The following SGCD variants were observed in gnomAD, a reference collection of about 807,000 sequenced individuals.
SGCD encodes delta-sarcoglycan.
SGCD carries 18 observed loss-of-function variants against 36.6 expected under a neutral mutation model. The observed-to-expected ratio is 0.49, with a 90% CI of 0.34 to 0.73. The LOEUF is 0.73. Ranked by LOEUF, SGCD falls within the 30% of genes least tolerant of loss-of-function variation. The pLI is 0.01. For missense variants in SGCD, 387 were observed against 346.7 expected (o/e 1.12, Z -0.92); for synonymous variants, 133 against 130.6 (o/e 1.02, Z -0.12).
At chr5:155,783,409 A>G in the SGCD span, among the ~76,000 whole-genome samples, 1 of 152,318 alleles carries the variant, frequency 6.6e-6, no homozygotes, top group Admixed American at 6.5e-5. Context: ...TGGAACTTGC[A>G]TCATACTAAA....
chr5:156,239,084 A>G (rs1420166140), intron 3 of SGCD, among the ~76,000 whole-genome samples: 1 of 152,070 alleles, frequency 6.6e-6, no homozygotes, highest in Non-Finnish European at 1.5e-5. Context: ...CCCGTGGCGC[A>G]TCAGTAATTT....
At chr5:156,243,859 A>T (rs532298628) in intron 3 of SGCD, among the ~76,000 whole-genome samples, 1 of 152,356 alleles carries the variant, frequency 6.6e-6, no homozygotes, top group African/African-American at 2.4e-5. Context: ...TAATAGCAGC[A>T]AAATAAATGT....
chr5:155,841,207 A>G, the SGCD span, among the ~76,000 whole-genome samples: 1 of 152,122 alleles, frequency 6.6e-6, no homozygotes, highest in Admixed American at 6.6e-5. Context: ...GTACAAATGT[A>G]TTTGATTATA....
At chr5:156,757,905 A>G in intron 8 of SGCD, 2 of 1,327,358 alleles carry the variant, frequency 1.5e-6, no homozygotes, top group East Asian at 2.8e-5. Flanking sequence ...TCTTATTTGT[A>G]AAATGCAGAG....
At chr5:155,775,074 G>C in the SGCD span, among the ~76,000 whole-genome samples, 4 of 152,176 alleles carry the variant, frequency 2.6e-5, no homozygotes, top group Non-Finnish European at 4.4e-5. Flanking sequence ...ATCATTGTTT[G>C]TTAGAGTTTC....
intron 1 of SGCD, among the ~76,000 whole-genome samples, chr5:155,990,283 C>T (rs56255014): frequency 0.22 from 33,479 of 152,070 alleles, 4,549 homozygotes; most frequent in South Asian, 0.37. Flanking sequence ...GAAGATACAG[C>T]AACATGTTTA....
chr5:155,989,236 G>A (rs967386880), intron 1 of SGCD, among the ~76,000 whole-genome samples: 2 of 152,116 alleles, frequency 1.3e-5, no homozygotes, highest in African/African-American at 4.8e-5. Flanking sequence ...AGGTTATGTG[G>A]TTTCTGCCAT....
the SGCD span, among the ~76,000 whole-genome samples, chr5:155,738,089 C>T: frequency 6.4e-3 from 975 of 152,242 alleles, 10 homozygotes; most frequent in African/African-American, 0.023. Flanking sequence ...CCTTCCTCAA[C>T]CCAGAGGGCA....
chr5:156,388,998 G>T (rs937302237), intron 3 of SGCD, among the ~76,000 whole-genome samples: 1 of 152,110 alleles, frequency 6.6e-6, no homozygotes. Context: ...CAAGGGGAAG[G>T]TACAATACAA....
At chr5:156,748,718 C>T (rs1757036739) in intron 7 of SGCD, among the ~76,000 whole-genome samples, 1 of 152,100 alleles carries the variant, frequency 6.6e-6, no homozygotes, top group Admixed American at 6.5e-5. Context: ...TATAATATGG[C>T]ACCAACAACT....
the SGCD span, among the ~76,000 whole-genome samples, chr5:155,728,681 A>G: frequency 6.6e-6 from 1 of 151,874 alleles, no homozygotes; most frequent in Admixed American, 6.6e-5. Context: ...TCTATCCCGG[A>G]GGGCGCACCC....
chr5:156,425,683 A>AG (rs1333894921), intron 3 of SGCD, among the ~76,000 whole-genome samples: 1 of 151,968 alleles, frequency 6.6e-6, no homozygotes, highest in Admixed American at 6.6e-5. Context: ...CACTGTACCC[A>AG]GTATGTAGCC....
chr5:156,131,427 A>G (rs1449414675), intron 3 of SGCD, among the ~76,000 whole-genome samples: 1 of 152,240 alleles, frequency 6.6e-6, no homozygotes, highest in Non-Finnish European at 1.5e-5. Flanking sequence ...ATGCTGCTAA[A>G]AAACTAATAT....
At chr5:156,497,406 A>G (rs1325534763) in intron 3 of SGCD, among the ~76,000 whole-genome samples, 1 of 152,174 alleles carries the variant, frequency 6.6e-6, no homozygotes, top group African/African-American at 2.4e-5. Context: ...GAGAAAGTGT[A>G]GAGCAAAGAA....
chr5:156,495,275 C>G (rs1442087124), intron 3 of SGCD, among the ~76,000 whole-genome samples: 1 of 152,100 alleles, frequency 6.6e-6, no homozygotes, highest in African/African-American at 2.4e-5. Flanking sequence ...GGGAGTATGT[C>G]TGATGCCATC....
chr5:155,742,593 C>T, the SGCD span, among the ~76,000 whole-genome samples: 15 of 152,328 alleles, frequency 9.8e-5, no homozygotes, highest in East Asian at 1.9e-4. Flanking sequence ...CACGTTCAGA[C>T]GTTACAAGCC....
At chr5:155,911,757 G>T (rs1756634557) in intron 1 of SGCD, among the ~76,000 whole-genome samples, 3 of 152,014 alleles carry the variant, frequency 2.0e-5, no homozygotes, top group African/African-American at 7.2e-5. Flanking sequence ...GTATTTCATT[G>T]TCAAGGACTT....
At chr5:156,068,089 G>C (rs1760389152) in intron 1 of SGCD, among the ~76,000 whole-genome samples, 1 of 150,982 alleles carries the variant, frequency 6.6e-6, no homozygotes, top group Non-Finnish European at 1.5e-5. Context: ...GATGTCCCTA[G>C]AATTTTATAT....
At chr5:155,818,478 G>A in the SGCD span, among the ~76,000 whole-genome samples, 1 of 152,074 alleles carries the variant, frequency 6.6e-6, no homozygotes, top group Non-Finnish European at 1.5e-5. Context: ...GGCCTGAGAG[G>A]TGTGACTTAG....
Sources: allele counts gnomAD v4.1 joint callset (sites outside exome capture counted in the v4.1 genomes callset), GRCh38; gene constraint gnomAD v4.1.1; transcripts MANE v1.5; gene names NCBI Gene and HGNC (gene_info 2026-07-23, HGNC 2026-07-21).